Variants in NUP188 observed in about 807,000 individuals in gnomAD.
NUP188 encodes the protein nucleoporin NUP188.
NUP188 carries 97 observed loss-of-function variants against 223.0 expected under a neutral mutation model. The ratio of observed to expected loss-of-function variants is 0.43; its 90% CI spans 0.37 to 0.51. NUP188 has a LOEUF of 0.51. Ranked by LOEUF, NUP188 falls within the 20% of genes least tolerant of loss-of-function variation. The pLI, the probability that NUP188 is intolerant of heterozygous loss-of-function variation, is 0.00. For missense variants in NUP188, 1,947 were observed against 2,175.6 expected, an observed-to-expected ratio of 0.89 and a Z score of 2.09; for synonymous variants, 869 against 828.0, an observed-to-expected ratio of 1.05 and a Z score of -0.85.
In NUP188 at chr9:128,980,675, C is replaced by T. The variant is rs541948942; in HGVS notation, c.1339C>T (p.Leu447Phe). The T allele has an allele frequency of 6.2e-7, 1 of 1,614,174 alleles. No individual in the cohort carries two copies. The highest frequency in any genetic ancestry group is 2.2e-5 in the East Asian group (1 of 44,874). ...AATGTTTCCCCACCTTCTCTCCCCA[C>T]TCCTGCAACTGCTCCGAGCCCTGGT... ...CGMFPHLLSP[L>F]LQLLRALVSG... Residue 447 changes from leucine (L) to phenylalanine (F), a missense_variant, in exon 14 of 44, where the codon CTC (leucine) becomes TTC (phenylalanine). Physicochemically the swap from Leu to Phe is conservative, Grantham distance 22 (BLOSUM62 0). Around this residue, in one of 3 missense-constraint regions of NUP188, gnomAD observed 817 missense variants for 865.8 expected, o/e 0.94. Coordinates refer to ENST00000372577, the MANE Select transcript of NUP188 (RefSeq NM_015354.3).
Position 128,981,341 on chromosome 9 carries a change from A to G in NUP188, c.1467A>G (p.Glu489=), listed in dbSNP as rs1342892509. 6.2e-7 allele frequency: 1 copy of G among 1,614,054 alleles called. No homozygotes were observed. Among genetic ancestry groups the G allele is most frequent in the East Asian group, 2.2e-5 (1 of 44,886 alleles). Residue 489 remains glutamate, a synonymous_variant, in exon 15 of 44, where the codon GAA becomes GAG. Transcript: ENST00000372577. ...AGCCTCATGATGTGATCTCCCATGA[A>G]GATGGAACTCTTTGGCGGAGACAAA... The part of the protein sequence containing the change: ...KHKPHDVISH[E]DGTLWRRQTP...
At position 128,999,691 on chromosome 9, in the gene NUP188, T is replaced by G. The variant is rs942946848; in HGVS notation, c.3729T>G (p.Ile1243Met). 3 of 1,613,936 alleles carry G rather than the reference T, an allele frequency of 1.9e-6. No homozygotes were observed. The highest frequency in any genetic ancestry group is 1.7e-5 in the Admixed American group (1 of 59,996). Reference sequence around the variant, plus strand: ...GTGAGACCCTCCAAGAGGAAGTGATTGCACTCTTCGACCAGACCCGCCACA... The same window carrying G: ...GTGAGACCCTCCAAGAGGAAGTGATGGCACTCTTCGACCAGACCCGCCACA... ...NVCETLQEEV[I>M]ALFDQTRHSL... is the part of the protein sequence containing the mutation. Residue 1243 changes from isoleucine to methionine, a missense_variant, in exon 34 of 44, where the codon ATT (isoleucine) becomes ATG (methionine). By Grantham distance (10) the Ile-to-Met change is conservative (BLOSUM62 1). Around this residue, in one of 3 missense-constraint regions of NUP188, gnomAD observed 905 missense variants for 990.6 expected, o/e 0.91. Coordinates refer to ENST00000372577, the MANE Select transcript of NUP188 (RefSeq NM_015354.3).
At chr9:129,003,785 C>T (rs769682098) in intron 38 of NUP188, 18 of 349,660 alleles carry the variant, frequency 5.1e-5, no homozygotes, top group Non-Finnish European at 9.7e-5. Context: ...TCAGCCTGGC[C>T]AACATGGTGA....
intron 8 of NUP188, among the ~76,000 whole-genome samples, chr9:128,966,278 G>A (rs1842029602): frequency 6.6e-6 from 1 of 151,156 alleles, no homozygotes; most frequent in African/African-American, 2.4e-5. Context: ...GTGTGTGTGT[G>A]TGTGTGTGTT....
At chr9:128,996,482 A>T (rs1474897167) in intron 30 of NUP188, among the ~76,000 whole-genome samples, 1 of 152,132 alleles carries the variant, frequency 6.6e-6, no homozygotes, top group Non-Finnish European at 1.5e-5. Context: ...GAACAACTTC[A>T]GCTTGATAGA....
chr9:128,980,481 G>A (rs1332233483), intron 13 of NUP188, 125 bp from the exon 14 acceptor site: 1 of 903,800 alleles, frequency 1.1e-6, no homozygotes, highest in African/African-American at 1.7e-5. Flanking sequence ...AAATTATTAA[G>A]GAGGGATGAT....
chr9:129,003,109 C>A, intron 37 of NUP188, 134 bp downstream of exon 37: 33 of 1,124,684 alleles, frequency 2.9e-5, no homozygotes, highest in Non-Finnish European at 4.0e-5. Flanking sequence ...TTGAGATGCT[C>A]TAAGTACTCT....
chr9:128,976,836 C>T (rs1028898471), intron 12 of NUP188, among the ~76,000 whole-genome samples: 5 of 151,892 alleles, frequency 3.3e-5, no homozygotes, highest in East Asian at 1.9e-4. Flanking sequence ...CAGCACTTTC[C>T]GAGGCCAAGG....
chr9:128,974,152 C>T (rs1281182244), intron 12 of NUP188, among the ~76,000 whole-genome samples: 1 of 152,070 alleles, frequency 6.6e-6, no homozygotes, highest in East Asian at 1.9e-4. Context: ...TCGTGATCCA[C>T]CTGCCTTGGC....
At chr9:128,949,919 C>CTTTTTTTTTTTTTTTTTTTTT (rs35705253) in intron 2 of NUP188, among the ~76,000 whole-genome samples, 1 of 81,234 alleles carries the variant, frequency 1.2e-5, no homozygotes, top group African/African-American at 5.6e-5. Context: ...GTGACGGCCA[C>CTTTTTTTTTTTTTTTTTTTTT]TTTTTTTTTT....
At chr9:128,963,392 T>G (rs1007500092) in intron 8 of NUP188, among the ~76,000 whole-genome samples, 3 of 151,872 alleles carry the variant, frequency 2.0e-5, no homozygotes, top group African/African-American at 7.3e-5. Context: ...TTCAAGCGAT[T>G]GTCCTGCCTC....
rs1323885515 is a variant in NUP188, at chr9:128,962,033, T to C, written c.585+2899T>C. Among the ~76,000 whole-genome samples the C allele has an allele frequency of 2.6e-5, 4 of 150,956 alleles. No individual in the cohort carries two copies. In the Admixed American group the frequency reaches 2.7e-4, roughly 10 times the overall value. ...CTCACCACAGTCTCCACCTCCTGGG[T>C]CAAGCAATTCTCCTGCCTCAGCCTC... On this transcript the variant is annotated intron_variant, in intron 8 of 43. Transcript: ENST00000372577.
At chr9:128,986,438 A>T in intron 20 of NUP188, 120 bp from the exon 21 acceptor site, 1 of 1,038,676 alleles carries the variant, frequency 9.6e-7, no homozygotes, top group Non-Finnish European at 1.4e-6. Flanking sequence ...TTTTTCATTG[A>T]TGACCAAGGT....
At chr9:128,981,778 A>G (rs998146400) in intron 15 of NUP188, among the ~76,000 whole-genome samples, 2 of 152,138 alleles carry the variant, frequency 1.3e-5, no homozygotes, top group African/African-American at 4.8e-5. Flanking sequence ...AGACATATAG[A>G]AAGAGTCACT....
rs371555443 is a variant in NUP188 at position 129,001,744 on chromosome 9, C to T, written c.4044+15C>T. ...GCACTCAGCAGGTAGGAGGCCAGCC[C>T]GAAGGCAGGAGGGAGCGTCCTTGCT... On this transcript the variant is annotated intron_variant, in intron 35 of 43. Coordinates refer to ENST00000372577, the MANE Select transcript of NUP188 (RefSeq NM_015354.3). 2.0e-5 allele frequency: 33 copies of T among 1,611,868 alleles called. 1 individual carries two copies. Among genetic ancestry groups the T allele is most frequent in the Middle Eastern group, 3.3e-4 (2 of 6,042 alleles).
intron 3 of NUP188, among the ~76,000 whole-genome samples, chr9:128,955,158 C>G (rs570626262): frequency 2.5e-4 from 37 of 150,834 alleles, no homozygotes; most frequent in African/African-American, 7.8e-4. Context: ...GCCAAGCTAC[C>G]CTTCTTACCA....
In NUP188 at chr9:128,969,432, T is replaced by C. The variant is rs749709333; in HGVS notation, c.830T>C (p.Met277Thr). The change falls in exon 10 of 44, where the codon ATG (methionine) becomes ACG (threonine). Residue 277 changes from methionine (M) to threonine (T), a missense_variant. Physicochemically the swap from Met to Thr is moderately conservative, Grantham distance 81. This residue lies in a region of NUP188 where 817 missense variants were observed against 865.8 expected (regional missense o/e 0.94). Coordinates refer to ENST00000372577, the MANE Select transcript of NUP188 (RefSeq NM_015354.3). Reference protein sequence around the residue: ...YFSALILVEGMDIESLHKCAL... With the variant: ...YFSALILVEGTDIESLHKCAL... ...AGTGCCCTCATCCTGGTGGAGGGCA[T>C]GGATATCGAGTCCTTGCATAAGTGT... 1.2e-6 allele frequency: 2 copies of C among 1,611,624 alleles called. No individual in the cohort carries two copies. The highest frequency in any genetic ancestry group is 1.7e-6 in the Non-Finnish European group (2 of 1,178,960).
chr9:128,961,827 G>C (rs1183315860), intron 8 of NUP188, among the ~76,000 whole-genome samples: 4 of 151,754 alleles, frequency 2.6e-5, no homozygotes, highest in African/African-American at 9.7e-5. Flanking sequence ...CTCCATGTTG[G>C]TCAGGCTGGT....
rs1307721051 is a variant in NUP188, at chr9:128,958,002, C to G, written c.328-8C>G. 6.2e-7 allele frequency: 1 copy of G among 1,608,050 alleles called. No homozygotes were observed. Among genetic ancestry groups the G allele is most frequent in the Non-Finnish European group, 8.5e-7 (1 of 1,177,148 alleles). Reference sequence around the variant, plus strand: ...ATGGCCTCTTAACTGCTCTGTTTTTCTTTTCAGACAGTACTGCAAGATGAG... The same window carrying G: ...ATGGCCTCTTAACTGCTCTGTTTTTGTTTTCAGACAGTACTGCAAGATGAG... On this transcript the variant is annotated splice_polypyrimidine_tract_variant and splice_region_variant and intron_variant, in intron 5 of 43. Transcript: ENST00000372577.
Sources: allele counts gnomAD v4.1 joint callset (sites outside exome capture counted in the v4.1 genomes callset), GRCh38; gene constraint gnomAD v4.1.1; regional missense constraint gnomAD v4.1.1; transcripts MANE v1.5; gene names NCBI Gene and HGNC (gene_info 2026-07-23, HGNC 2026-07-21).